BORCS5: variants seen among roughly 807,000 people sequenced by gnomAD.
BORCS5 encodes the protein BLOC-1 related complex subunit 5.
Under a neutral mutation model 22.1 loss-of-function variants are expected in BORCS5, and 17 were observed. The observed-to-expected ratio is 0.77, with a 90% CI of 0.53 to 1.15. The LOEUF is 1.15. Ranked by LOEUF, BORCS5 falls within the 50% of genes most tolerant of loss-of-function variation. The pLI is 0.00. For missense variants in BORCS5, 247 were observed against 253.2 expected, an observed-to-expected ratio of 0.98 and a Z score of 0.17; for synonymous variants, 117 against 99.8, an observed-to-expected ratio of 1.17 and a Z score of -1.03.
rs577641057 is a variant in BORCS5 at position 12,470,140 on chromosome 12, G to A, written c.*4364G>A. 4.6e-5 allele frequency among the ~76,000 whole-genome samples: 7 copies of A among 152,214 alleles called. No homozygotes were observed. The highest frequency in any genetic ancestry group is 5.9e-5 in the Non-Finnish European group (4 of 68,016). ...GGCTGGAGTGCAGTGGCACGATCTC[G>A]GCTCACTGCAACCTCCGCCTCCCGG... is the stretch of plus-strand genomic sequence containing the variant. On this transcript the variant is annotated 3_prime_UTR_variant, in exon 4 of 4. Transcript: ENST00000314565.
At chr12:12,398,571 T>C (rs1352691555) in intron 2 of BORCS5, among the ~76,000 whole-genome samples, 2 of 152,182 alleles carry the variant, frequency 1.3e-5, no homozygotes, top group African/African-American at 4.8e-5. Context: ...CTTGACTCAT[T>C]TTCAGGGAAG....
chr12:12,381,126 C>T (rs1477465540), intron 2 of BORCS5, among the ~76,000 whole-genome samples: 1 of 150,450 alleles, frequency 6.6e-6, no homozygotes, highest in Non-Finnish European at 1.5e-5. Flanking sequence ...GTTCTCCTGC[C>T]TTAGCCTCCC....
At chr12:12,408,556 A>G (rs1021296724) in intron 2 of BORCS5, among the ~76,000 whole-genome samples, 5 of 152,130 alleles carry the variant, frequency 3.3e-5, no homozygotes, top group African/African-American at 1.2e-4. Context: ...GCAACTTCCT[A>G]TCCTCTCTTC....
intron 2 of BORCS5, among the ~76,000 whole-genome samples, chr12:12,392,159 T>A (rs1449236097): frequency 6.6e-6 from 1 of 151,224 alleles, no homozygotes; most frequent in African/African-American, 2.4e-5. Context: ...ATTTGTTGAG[T>A]CCCCAATATG....
intron 3 of BORCS5, chr12:12,452,116 G>C (rs1942922858): frequency 5.9e-6 from 3 of 506,344 alleles, no homozygotes; most frequent in South Asian, 4.9e-5. Flanking sequence ...TTTAAAAGAG[G>C]GCAGGTTTGG....
intron 2 of BORCS5, among the ~76,000 whole-genome samples, chr12:12,416,766 T>C (rs1437976321): frequency 1.3e-5 from 2 of 151,304 alleles, no homozygotes; most frequent in African/African-American, 4.8e-5. Context: ...CAACTCTTGT[T>C]TTTTAATGTA....
intron 2 of BORCS5, among the ~76,000 whole-genome samples, chr12:12,415,422 C>CGT (rs1941910683): frequency 4.0e-5 from 6 of 151,086 alleles, no homozygotes; most frequent in Non-Finnish European, 7.4e-5. Context: ...TGGCGGCGTG[C>CGT]GCCTGCAATC....
At chr12:12,438,374 A>AACACAAAAAAC (rs1555156020) in intron 3 of BORCS5, among the ~76,000 whole-genome samples, 1 of 125,046 alleles carries the variant, frequency 8.0e-6, no homozygotes, top group Non-Finnish European at 1.6e-5. Flanking sequence ...AAAAAAAAAA[A>AACACAAAAAAC]AAAAAACGAA....
At chr12:12,424,045 A>G (rs1942214176) in intron 2 of BORCS5, among the ~76,000 whole-genome samples, 1 of 151,760 alleles carries the variant, frequency 6.6e-6, no homozygotes, top group Admixed American at 6.6e-5. Flanking sequence ...TCCTGTTTTG[A>G]GTTTGTTGAG....
intron 2 of BORCS5, among the ~76,000 whole-genome samples, chr12:12,430,932 A>G (rs1190826638): frequency 6.6e-6 from 1 of 152,122 alleles, no homozygotes; most frequent in East Asian, 1.9e-4. Flanking sequence ...TGTTCATGTA[A>G]TACTATTTAT....
chr12:12,405,706 T>C (rs996932081), intron 2 of BORCS5, among the ~76,000 whole-genome samples: 12 of 152,232 alleles, frequency 7.9e-5, no homozygotes, highest in African/African-American at 2.2e-4. Context: ...TAGTAAATTA[T>C]AATAATGTTG....
chr12:12,391,866 T>TAAAA (rs751674760), intron 2 of BORCS5, among the ~76,000 whole-genome samples: 2 of 64,334 alleles, frequency 3.1e-5, no homozygotes, highest in Non-Finnish European at 2.7e-5. Flanking sequence ...ACCCCGTCAC[T>TAAAA]AAAAAAAAAA....
At chr12:12,452,206 C>T in intron 3 of BORCS5, 1 of 620,872 alleles carries the variant, frequency 1.6e-6, no homozygotes. Flanking sequence ...GATACAGGTT[C>T]AGCACAGGCT....
intron 3 of BORCS5, among the ~76,000 whole-genome samples, chr12:12,457,640 A>G (rs1345620287): frequency 2.0e-5 from 3 of 152,162 alleles, no homozygotes; most frequent in Admixed American, 6.5e-5. Flanking sequence ...ACTGCACTCC[A>G]TAGAAGCTCT....
Position 12,411,237 on chromosome 12 carries a change from C to G in BORCS5, c.203-24391C>G, listed in dbSNP as rs187480940. 1.5e-3 allele frequency among the ~76,000 whole-genome samples: 229 copies of G among 152,246 alleles called. 1 individual carries two copies. The highest frequency in any genetic ancestry group is 2.3e-3 in the Admixed American group (35 of 15,294). ...TGATTTCCTTCTCCTGCCTGATTGCCCTGGCCGGAACTTCCAACACTATGT... is the reference window on the plus strand; with the variant it reads ...TGATTTCCTTCTCCTGCCTGATTGCGCTGGCCGGAACTTCCAACACTATGT... On this transcript the variant is annotated intron_variant, in intron 2 of 3. Transcript: ENST00000314565.
intron 3 of BORCS5, among the ~76,000 whole-genome samples, chr12:12,457,784 T>A (rs1286182468): frequency 6.6e-6 from 1 of 152,192 alleles, no homozygotes; most frequent in Non-Finnish European, 1.5e-5. Flanking sequence ...CTTGAACCAT[T>A]GCAAATTTAA....
At chr12:12,387,733 A>G (rs1178447938) in intron 2 of BORCS5, among the ~76,000 whole-genome samples, 2 of 151,438 alleles carry the variant, frequency 1.3e-5, no homozygotes, top group African/African-American at 4.9e-5. Flanking sequence ...AGTGTTTTTC[A>G]CATGTGCTGA....
chr12:12,435,546 T>C (rs1461379267), intron 2 of BORCS5, 82 bp from the exon 3 acceptor site: 1 of 1,140,516 alleles, frequency 8.8e-7, no homozygotes, highest in African/African-American at 1.6e-5. Flanking sequence ...TTACCCTGTC[T>C]TCAGTGAACT....
At chr12:12,448,482 T>C (rs374895204) in intron 3 of BORCS5, among the ~76,000 whole-genome samples, 1 of 151,984 alleles carries the variant, frequency 6.6e-6, no homozygotes, top group African/African-American at 2.4e-5. Context: ...CCCAAGGTAC[T>C]GGGATTACAG....
Sources: gnomAD v4.1 joint callset for allele counts (sites outside exome capture counted in the v4.1 genomes callset) on GRCh38, gnomAD v4.1.1 for gene constraint, MANE v1.5 for transcripts, NCBI Gene and HGNC (gene_info 2026-07-23, HGNC 2026-07-21) for gene names.